Variants in ARHGAP26 observed in about 807,000 individuals in gnomAD.
The protein encoded by ARHGAP26 is Rho GTPase activating protein 26.
Under a neutral mutation model 104.8 loss-of-function variants are expected in ARHGAP26, and 38 were observed. The observed-to-expected ratio is 0.36, with a 90% CI of 0.28 to 0.48. The LOEUF is 0.48. ARHGAP26 is among the 20% of genes least tolerant of loss of function. The pLI, the probability that ARHGAP26 is intolerant of heterozygous loss-of-function variation, is 0.99. For synonymous variants in ARHGAP26, 341 were observed against 340.0 expected (o/e 1.00, Z -0.03); for missense variants, 704 against 947.9 (o/e 0.74, Z 3.38).
chr5:142,784,350 C>T (rs761722836), intron 1 of ARHGAP26, among the ~76,000 whole-genome samples: 1 of 152,128 alleles, frequency 6.6e-6, no homozygotes, highest in African/African-American at 2.4e-5. Context: ...CTCTCCTGGC[C>T]AGCTTAACTT....
intron 9 of ARHGAP26, among the ~76,000 whole-genome samples, chr5:142,909,817 A>T (rs575402364): frequency 6.6e-6 from 1 of 152,254 alleles, no homozygotes; most frequent in East Asian, 1.9e-4. Context: ...AGCTTCACCA[A>T]ATTGTTCTCT....
At chr5:143,054,883 C>T (rs188533569) in intron 15 of ARHGAP26, among the ~76,000 whole-genome samples, 21 of 152,340 alleles carry the variant, frequency 1.4e-4, no homozygotes, top group African/African-American at 5.1e-4. Flanking sequence ...TGCATGATTA[C>T]ATACCTCATG....
intron 11 of ARHGAP26, among the ~76,000 whole-genome samples, chr5:142,956,883 TC>T (rs1454909878): frequency 6.6e-6 from 1 of 152,174 alleles, no homozygotes; most frequent in African/African-American, 2.4e-5. Flanking sequence ...CCATCAGATC[TC>T]ATGAGACTTA....
At chr5:143,020,067 A>T (rs945512542) in intron 12 of ARHGAP26, among the ~76,000 whole-genome samples, 6 of 152,198 alleles carry the variant, frequency 3.9e-5, no homozygotes, top group African/African-American at 1.2e-4. Flanking sequence ...CTCTTGTTCA[A>T]CATTTTCCTG....
chr5:143,182,562 G>C (rs1186734001), intron 20 of ARHGAP26, among the ~76,000 whole-genome samples: 1 of 152,174 alleles, frequency 6.6e-6, no homozygotes, highest in Non-Finnish European at 1.5e-5. Flanking sequence ...AACTTGGTTT[G>C]TTGATAAGCT....
intron 13 of ARHGAP26, among the ~76,000 whole-genome samples, chr5:143,041,205 A>AT (rs1562312645): frequency 6.6e-6 from 1 of 152,170 alleles, no homozygotes; most frequent in Non-Finnish European, 1.5e-5. Flanking sequence ...TTAGTTTTTG[A>AT]TTTTTTGTTT....
chr5:143,019,618 G>C (rs1598656771), intron 12 of ARHGAP26, among the ~76,000 whole-genome samples: 1 of 152,340 alleles, frequency 6.6e-6, no homozygotes, highest in East Asian at 1.9e-4. Flanking sequence ...CGTCCCACCT[G>C]AGGGAAGGTT....
At chr5:142,809,488 G>T (rs908506769) in intron 1 of ARHGAP26, among the ~76,000 whole-genome samples, 2 of 152,170 alleles carry the variant, frequency 1.3e-5, no homozygotes, top group African/African-American at 4.8e-5. Flanking sequence ...ATATGTCCTG[G>T]AGAAAGTCAA....
chr5:143,133,068 T>C (rs1268782445), intron 18 of ARHGAP26, among the ~76,000 whole-genome samples: 4 of 152,180 alleles, frequency 2.6e-5, no homozygotes, highest in African/African-American at 4.8e-5. Flanking sequence ...GCTACTATAA[T>C]CATGGTAAGC....
intron 11 of ARHGAP26, among the ~76,000 whole-genome samples, chr5:142,937,503 A>G (rs1373876878): frequency 6.6e-6 from 1 of 152,236 alleles, no homozygotes; most frequent in Non-Finnish European, 1.5e-5. Context: ...CTAAAACTAA[A>G]TATTGCTGTT....
At chr5:142,792,118 T>C (rs1759973042) in intron 1 of ARHGAP26, among the ~76,000 whole-genome samples, 1 of 152,208 alleles carries the variant, frequency 6.6e-6, no homozygotes, top group African/African-American at 2.4e-5. Flanking sequence ...CTCTCATACA[T>C]TGTTTGCTGA....
chr5:143,097,977 T>C (rs2150585859), intron 17 of ARHGAP26, among the ~76,000 whole-genome samples: 1 of 152,334 alleles, frequency 6.6e-6, no homozygotes, highest in South Asian at 2.1e-4. Flanking sequence ...AATGAATTAT[T>C]TGTAGAATTC....
chr5:143,190,659 A>G (rs138763700), intron 20 of ARHGAP26, among the ~76,000 whole-genome samples: 1 of 152,376 alleles, frequency 6.6e-6, no homozygotes, highest in African/African-American at 2.4e-5. Flanking sequence ...AAAAAAATTA[A>G]CAAATTGAAC....
At chr5:142,913,430 T>G in intron 10 of ARHGAP26, 137 bp downstream of exon 10, 1 of 693,628 alleles carries the variant, frequency 1.4e-6, no homozygotes, top group Non-Finnish European at 2.5e-6. Context: ...CCCTGCCTCC[T>G]TCCTTTCCTT....
At chr5:142,879,524 C>T in intron 4 of ARHGAP26, 79 bp downstream of exon 4, 1 of 1,306,892 alleles carries the variant, frequency 7.7e-7, no homozygotes, top group Non-Finnish European at 1.1e-6. Flanking sequence ...AAAACAAAGT[C>T]TTCAGAAATG....
intron 12 of ARHGAP26, among the ~76,000 whole-genome samples, chr5:143,030,772 G>A (rs969631075): frequency 4.6e-5 from 7 of 152,226 alleles, no homozygotes; most frequent in Non-Finnish European, 1.0e-4. Context: ...AAAATGACAC[G>A]TGCATGCACA....
chr5:143,027,082 C>G (rs1048387883), intron 12 of ARHGAP26, among the ~76,000 whole-genome samples: 2 of 151,990 alleles, frequency 1.3e-5, no homozygotes, highest in Admixed American at 1.3e-4. Flanking sequence ...CCATCTCATT[C>G]TTTCAGCCAG....
chr5:143,053,240 C>T (rs1416363407), intron 14 of ARHGAP26, among the ~76,000 whole-genome samples: 1 of 152,128 alleles, frequency 6.6e-6, no homozygotes, highest in Non-Finnish European at 1.5e-5. Context: ...CTCATCCAGG[C>T]ACTGAGTCCA....
intron 17 of ARHGAP26, among the ~76,000 whole-genome samples, chr5:143,077,385 G>GGCT: frequency 6.6e-6 from 1 of 152,138 alleles, no homozygotes; most frequent in East Asian, 1.9e-4. Flanking sequence ...ATTACAGATG[G>GGCT]GCTGATGTTG....
Sources: allele counts gnomAD v4.1 joint callset (sites outside exome capture counted in the v4.1 genomes callset), GRCh38; gene constraint gnomAD v4.1.1; transcripts MANE v1.5; gene names NCBI Gene and HGNC (gene_info 2026-07-23, HGNC 2026-07-21).